The following SCHIP1 variants were observed in gnomAD, a reference collection of about 807,000 sequenced individuals.
SCHIP1 encodes schwannomin interacting protein 1.
Under a neutral mutation model 29.7 loss-of-function variants are expected in SCHIP1, and 8 were observed. The observed-to-expected ratio is 0.27, with a 90% CI of 0.16 to 0.49. SCHIP1 has a LOEUF of 0.49. Among genes scored for constraint, SCHIP1 ranks in the 20% least tolerant of loss-of-function variants. The pLI is 0.99. For synonymous variants in SCHIP1, 76 were observed against 94.9 expected, an observed-to-expected ratio of 0.80 and a Z score of 1.16; for missense variants, 193 against 294.6, an observed-to-expected ratio of 0.66 and a Z score of 2.52.
the SCHIP1 span, chr3:159,273,433 C>A: frequency 2.0e-6 from 2 of 1,019,848 alleles, no homozygotes; most frequent in Non-Finnish European, 2.3e-6. Flanking sequence ...TGAAGTGAAT[C>A]GGCTGCTTTG....
chr3:159,683,489 GT>G, the SCHIP1 span, among the ~76,000 whole-genome samples: 1 of 151,468 alleles, frequency 6.6e-6, no homozygotes, highest in Non-Finnish European at 1.5e-5. Flanking sequence ...TAGATTTTTC[GT>G]GCCATTCTTT....
intron 2 of SCHIP1, among the ~76,000 whole-genome samples, chr3:159,878,606 GTC>G (rs1716105428): frequency 1.3e-5 from 2 of 150,476 alleles, no homozygotes; most frequent in Non-Finnish European, 3.0e-5. Flanking sequence ...GTGAAACCCC[GTC>G]TCTACTAAAA....
chr3:159,659,417 GA>G, the SCHIP1 span, among the ~76,000 whole-genome samples: 1 of 152,352 alleles, frequency 6.6e-6, no homozygotes, highest in East Asian at 1.9e-4. Flanking sequence ...ACTGGGATAA[GA>G]ATGAGCCCTC....
the SCHIP1 span, among the ~76,000 whole-genome samples, chr3:159,818,371 G>A: frequency 2.0e-5 from 3 of 152,234 alleles, no homozygotes; most frequent in African/African-American, 7.2e-5. Context: ...CAGGCAAAGT[G>A]CAGCATTGAT....
chr3:159,506,534 C>A, the SCHIP1 span, among the ~76,000 whole-genome samples: 1 of 152,172 alleles, frequency 6.6e-6, no homozygotes. Context: ...GACAGGAAGT[C>A]CTTGCCCATG....
chr3:159,839,749 C>T (rs11925758), upstream of SCHIP1: 79,896 of 434,654 alleles, frequency 0.18, 9,001 homozygotes, highest in African/African-American at 0.44. Context: ...GTGTCTGTCC[C>T]TCTCCCTCTC....
chr3:159,385,157 C>T, the SCHIP1 span, among the ~76,000 whole-genome samples: 1 of 152,140 alleles, frequency 6.6e-6, no homozygotes, highest in Non-Finnish European at 1.5e-5. Context: ...ATCTAAGCCA[C>T]TTGGTGATGA....
intron 1 of SCHIP1, among the ~76,000 whole-genome samples, chr3:159,844,850 T>A (rs73019963): frequency 0.012 from 1,830 of 152,288 alleles, 46 homozygotes; most frequent in African/African-American, 0.043. Context: ...CAGATATAGA[T>A]CACACCCTGA....
At chr3:159,691,646 T>C in the SCHIP1 span, among the ~76,000 whole-genome samples, 190 of 152,290 alleles carry the variant, frequency 1.2e-3, no homozygotes, top group African/African-American at 4.5e-3. Context: ...GTCATTATGA[T>C]TCTAGCTGGT....
the SCHIP1 span, chr3:159,275,147 G>A: frequency 1.2e-6 from 1 of 834,736 alleles, no homozygotes; most frequent in Non-Finnish European, 1.4e-6. Context: ...TTGCTCAATA[G>A]ATCCACTGAT....
the SCHIP1 span, among the ~76,000 whole-genome samples, chr3:159,802,606 GGA>G: frequency 6.6e-6 from 1 of 152,164 alleles, no homozygotes; most frequent in Admixed American, 6.5e-5. Context: ...TACTGTGGGT[GGA>G]ATTCATTCTG....
the SCHIP1 span, among the ~76,000 whole-genome samples, chr3:159,299,707 C>T: frequency 6.6e-6 from 1 of 152,152 alleles, no homozygotes; most frequent in African/African-American, 2.4e-5. Flanking sequence ...AGCATCCTCA[C>T]AATGATCCCA....
At chr3:159,447,201 T>C in the SCHIP1 span, among the ~76,000 whole-genome samples, 1 of 152,140 alleles carries the variant, frequency 6.6e-6, no homozygotes, top group Non-Finnish European at 1.5e-5. Context: ...TGCTCATTGG[T>C]AAAATGGAGG....
chr3:159,596,123 C>T, the SCHIP1 span, among the ~76,000 whole-genome samples: 1 of 152,062 alleles, frequency 6.6e-6, no homozygotes, highest in Non-Finnish European at 1.5e-5. Context: ...ACAACCCCAT[C>T]CAAAAGTGGG....
the SCHIP1 span, among the ~76,000 whole-genome samples, chr3:159,580,767 C>G: frequency 6.6e-6 from 1 of 152,188 alleles, no homozygotes; most frequent in African/African-American, 2.4e-5. Context: ...GTGTCCAGTG[C>G]TCTCACATGG....
At chr3:159,792,662 C>T in the SCHIP1 span, among the ~76,000 whole-genome samples, 1 of 152,198 alleles carries the variant, frequency 6.6e-6, no homozygotes. Flanking sequence ...AGTTCCCTTG[C>T]TCATCTCTAG....
chr3:159,585,637 T>C, the SCHIP1 span, among the ~76,000 whole-genome samples: 1 of 152,170 alleles, frequency 6.6e-6, no homozygotes, highest in Non-Finnish European at 1.5e-5. Context: ...ACTTATTACA[T>C]AGCACACTTA....
the SCHIP1 span, among the ~76,000 whole-genome samples, chr3:159,662,675 T>C: frequency 6.6e-6 from 1 of 152,224 alleles, no homozygotes; most frequent in Non-Finnish European, 1.5e-5. Context: ...AAGGGGTATA[T>C]AATCAAAATT....
chr3:159,512,247 A>G, the SCHIP1 span, among the ~76,000 whole-genome samples: 3 of 152,352 alleles, frequency 2.0e-5, no homozygotes, highest in African/African-American at 7.2e-5. Flanking sequence ...GCATTTTAAA[A>G]TGCTAACTTC....
Sources: gnomAD v4.1 joint callset for allele counts (sites outside exome capture counted in the v4.1 genomes callset) on GRCh38, gnomAD v4.1.1 for gene constraint, MANE v1.5 for transcripts, NCBI Gene and HGNC (gene_info 2026-07-23, HGNC 2026-07-21) for gene names.